Variants in DOP1B observed in about 807,000 individuals in gnomAD.
DOP1B encodes the protein DOP1 leucine zipper like protein B.
DOP1B carries 174 observed loss-of-function variants against 233.5 expected under a neutral mutation model. The ratio of observed to expected loss-of-function variants is 0.75; its 90% CI spans 0.66 to 0.85. DOP1B has a LOEUF of 0.85. DOP1B is among the 40% of genes least tolerant of loss of function. The probability of loss-of-function intolerance (pLI) is 0.00; values close to 1 mark genes in which losing one functional copy is unlikely to be tolerated. For synonymous variants in DOP1B, 1,190 were observed against 1,185.6 expected, an observed-to-expected ratio of 1.00 and a Z score of -0.08; for missense variants, 2,652 against 2,846.6, an observed-to-expected ratio of 0.93 and a Z score of 1.56.
At chr21:36,197,562 C>G (rs920139635) in intron 2 of DOP1B, among the ~76,000 whole-genome samples, 1 of 152,180 alleles carries the variant, frequency 6.6e-6, no homozygotes, top group South Asian at 2.1e-4. Flanking sequence ...AGTCCCTGCC[C>G]TCGCACTGTA....
At chr21:36,203,874 CTT>C (rs34151956) in intron 4 of DOP1B, among the ~76,000 whole-genome samples, 101 of 140,728 alleles carry the variant, frequency 7.2e-4, no homozygotes, top group Middle Eastern at 3.7e-3. Context: ...GTCAGAAATC[CTT>C]TTTTTTTTTT....
intron 10 of DOP1B, 37 bp downstream of exon 10, chr21:36,219,529 C>A: frequency 6.2e-7 from 1 of 1,606,370 alleles, no homozygotes; most frequent in Non-Finnish European, 8.5e-7. Context: ...CATCTCTCTC[C>A]CTCCCCGGTA....
intron 27 of DOP1B, among the ~76,000 whole-genome samples, chr21:36,271,366 C>T (rs2067287658): frequency 6.6e-6 from 1 of 151,572 alleles, no homozygotes; most frequent in Non-Finnish European, 1.5e-5. Context: ...CTCCGCCTCC[C>T]TGGTTCAAGC....
At position 36,245,332 on chromosome 21, in the gene DOP1B, T is replaced by A. The variant is rs4817788; in HGVS notation, c.3352T>A (p.Cys1118Ser). The change falls in exon 19 of 37, where the codon TGC becomes AGC. Residue 1118 changes from cysteine to serine, a missense_variant. Cys to Ser is a moderately radical substitution (Grantham distance 112). Coordinates refer to ENST00000691173, the MANE Select transcript of DOP1B (RefSeq NM_001320714.2). The surrounding 1 kb of genome is among the most constrained non-coding windows in gnomAD (Gnocchi z 5.5). The stretch of plus-strand genomic sequence containing the variant: ...CACCGAGTCTGCAGATACAAGCTCC[T>A]GCCACACGGACAGCGAGAACACGTC... ...EHTESADTSS[C>S]HTDSENTSSF... 1.2e-5 allele frequency: 19 copies of A among 1,613,930 alleles called. No individual in the cohort carries two copies. The highest frequency in any genetic ancestry group is 1.5e-5 in the Non-Finnish European group (18 of 1,180,042).
At chr21:36,170,687 T>G (rs73374920) in intron 2 of DOP1B, 1 of 150,952 alleles carries the variant, frequency 6.6e-6, no homozygotes, top group Non-Finnish European at 1.5e-5. Context: ...CCCAGCTACT[T>G]AGGAGGCTGA....
chr21:36,156,849 G>C lies in DOP1B; in HGVS notation c.-121G>C, dbSNP rs964446149. The C allele has an allele frequency of 2.0e-5, 3 of 152,612 alleles. No individual in the cohort carries two copies. Among genetic ancestry groups the C allele is most frequent in the Non-Finnish European group, 2.9e-5 (2 of 68,210 alleles). 9.5% of individuals were successfully genotyped at this position (152,612 alleles called of 1,614,324 possible). A position where few individuals can be genotyped will look rare whatever the true frequency, so the allele number is the denominator to read the frequency against. On this transcript the variant is annotated 5_prime_UTR_variant, in exon 1 of 37. Coordinates refer to ENST00000691173, the MANE Select transcript of DOP1B (RefSeq NM_001320714.2). ...CTCTTCCTCGGCGGTTCTGGCTCCCGGCCGCGCCGCAGCCCTGCCCAGTCT... is the reference window on the plus strand; with the variant it reads ...CTCTTCCTCGGCGGTTCTGGCTCCCCGCCGCGCCGCAGCCCTGCCCAGTCT...
intron 12 of DOP1B, among the ~76,000 whole-genome samples, chr21:36,227,383 T>TAAA (rs1291396099): frequency 2.1e-5 from 3 of 146,292 alleles, no homozygotes; most frequent in South Asian, 2.2e-4. Context: ...CCATCTCTAC[T>TAAA]AAACATACAA....
At chr21:36,206,483 T>C (rs1392272827) in intron 4 of DOP1B, among the ~76,000 whole-genome samples, 1 of 150,948 alleles carries the variant, frequency 6.6e-6, no homozygotes, top group Non-Finnish European at 1.5e-5. Context: ...TGAGCTGTGT[T>C]CATGCCACTG....
chr21:36,292,256 C>CTTTTTTTTTTTTTTT, intron 36 of DOP1B, 23 bp downstream of exon 36: 4 of 1,334,836 alleles, frequency 3.0e-6, no homozygotes, highest in South Asian at 1.5e-5. Flanking sequence ...CTTTTCTTTT[C>CTTTTTTTTTTTTTTT]TTTTTTTTTT....
Position 36,211,728 on chromosome 21 carries a change from G to A in DOP1B, c.780+77G>A, listed in dbSNP as rs192927759. On this transcript the variant is annotated intron_variant, in intron 6 of 36. Coordinates refer to ENST00000691173, the MANE Select transcript of DOP1B (RefSeq NM_001320714.2). ...GATATAGATCTCAAGCAGTTCTGTC[G>A]TACGAGGACAGCTCAGCCACTCATG... The A allele has an allele frequency of 1.4e-4, 210 of 1,473,532 alleles. 3 individuals are homozygous for A. Among genetic ancestry groups the A allele is most frequent in the East Asian group, 1.0e-3 (45 of 44,044 alleles). 91.3% of individuals were successfully genotyped at this position (1,473,532 alleles called of 1,614,324 possible).
chr21:36,274,037 C>T (rs1273744172), intron 27 of DOP1B, among the ~76,000 whole-genome samples: 15 of 152,058 alleles, frequency 9.9e-5, no homozygotes, highest in Admixed American at 6.6e-4. Flanking sequence ...GAGATCGCGC[C>T]GCTCCACTCC....
At chr21:36,284,285 T>TTTTTTTTCC (rs1370992712) in intron 32 of DOP1B, among the ~76,000 whole-genome samples, 1 of 118,648 alleles carries the variant, frequency 8.4e-6, no homozygotes, top group African/African-American at 3.3e-5. Flanking sequence ...TTTTTTTTTT[T>TTTTTTTTCC]TTTGAGACGG....
At chr21:36,264,840 A>G (rs2067214721) in intron 26 of DOP1B, among the ~76,000 whole-genome samples, 1 of 152,188 alleles carries the variant, frequency 6.6e-6, no homozygotes, top group African/African-American at 2.4e-5. Flanking sequence ...GCTCATAACA[A>G]TTTGTTTAAT....
chr21:36,171,558 G>A (rs192881980), intron 2 of DOP1B, among the ~76,000 whole-genome samples: 1 of 152,274 alleles, frequency 6.6e-6, no homozygotes, highest in Admixed American at 6.5e-5. Flanking sequence ...ACATGCATGA[G>A]GGAAGGCACC....
chr21:36,231,981 G>A (rs1301644476), intron 14 of DOP1B, among the ~76,000 whole-genome samples: 1 of 152,026 alleles, frequency 6.6e-6, no homozygotes, highest in Non-Finnish European at 1.5e-5. Flanking sequence ...AAGTATCTGG[G>A]GTTACAGGCA....
At chr21:36,258,415 CTT>C (rs111603353) in intron 23 of DOP1B, among the ~76,000 whole-genome samples, 2 of 147,816 alleles carry the variant, frequency 1.4e-5, no homozygotes, top group Non-Finnish European at 3.0e-5. Flanking sequence ...AAAAGAAAGA[CTT>C]TTTTTTTTTT....
At chr21:36,228,629 A>G (rs1285750325) in intron 13 of DOP1B, among the ~76,000 whole-genome samples, 2 of 150,504 alleles carry the variant, frequency 1.3e-5, no homozygotes, top group African/African-American at 4.9e-5. Flanking sequence ...AGCCGGGTGC[A>G]GTGGCGGGCG....
intron 15 of DOP1B, among the ~76,000 whole-genome samples, chr21:36,235,570 A>AG (rs1029928038): frequency 9.9e-4 from 151 of 152,066 alleles, no homozygotes; most frequent in African/African-American, 3.5e-3. Flanking sequence ...AAAAAAAAAA[A>AG]TACAAAAATT....
chr21:36,163,074 C>T (rs544243386), intron 1 of DOP1B, among the ~76,000 whole-genome samples: 2 of 151,892 alleles, frequency 1.3e-5, no homozygotes, highest in Admixed American at 6.6e-5. Context: ...TTGCCAGGCG[C>T]GGTGGCTCAC....
Sources: allele counts gnomAD v4.1 joint callset (sites outside exome capture counted in the v4.1 genomes callset), GRCh38; gene constraint gnomAD v4.1.1; non-coding constraint Gnocchi (gnomAD v3.1); transcripts MANE v1.5; gene names NCBI Gene and HGNC (gene_info 2026-07-23, HGNC 2026-07-21).